SHANK2: variants seen among roughly 807,000 people sequenced by gnomAD.
SHANK2 encodes SH3 and multiple ankyrin repeat domains 2.
In SHANK2, 43 loss-of-function variants were observed where a neutral mutation model predicts 133.7. That is an observed-to-expected ratio of 0.32 (90% confidence interval 0.25 to 0.41). The LOEUF (loss-of-function observed/expected upper bound fraction) is 0.41, where lower values mean the gene tolerates loss of function less well. Among genes scored for constraint, SHANK2 ranks in the 10% least tolerant of loss-of-function variants. The pLI, the probability that SHANK2 is intolerant of heterozygous loss-of-function variation, is 1.00. For missense variants in SHANK2, 1,994 were observed against 2,235.8 expected (o/e 0.89, Z 2.18); for synonymous variants, 1,017 against 952.8 (o/e 1.07, Z -1.24).
chr11:70,839,432 C>G (rs1463675588), intron 11 of SHANK2, among the ~76,000 whole-genome samples: 2 of 152,204 alleles, frequency 1.3e-5, no homozygotes, highest in Non-Finnish European at 2.9e-5. Flanking sequence ...CACACACCCC[C>G]CTGGTAGAGA....
intron 17 of SHANK2, among the ~76,000 whole-genome samples, chr11:70,637,611 G>A (rs908395800): frequency 6.6e-6 from 1 of 152,208 alleles, no homozygotes; most frequent in East Asian, 1.9e-4. Context: ...GTGGGAGGCC[G>A]CTGCCCAGCG....
chr11:70,714,600 C>A (rs542997587), intron 14 of SHANK2, among the ~76,000 whole-genome samples: 1 of 152,166 alleles, frequency 6.6e-6, no homozygotes, highest in African/African-American at 2.4e-5. Flanking sequence ...AGAGACTCCA[C>A]GAGAGGACTC....
At chr11:70,867,852 C>T (rs782348028) in intron 11 of SHANK2, among the ~76,000 whole-genome samples, 5 of 152,206 alleles carry the variant, frequency 3.3e-5, no homozygotes, top group Non-Finnish European at 2.9e-5. Flanking sequence ...GCTCCTGCAC[C>T]GGCCGGCCCC....
rs149545748 is a variant in SHANK2 at position 71,214,618 on chromosome 11, C to T, written c.-13+10079G>A. On this transcript the variant is annotated intron_variant, in intron 2 of 25. Transcript: ENST00000601538. Reference sequence around the variant, plus strand: ...GTCTGGCTCAGGGTCCCACTGCTGTCTCAGCAAGTCTGGCCAGAAGCTAAC... The same window carrying T: ...GTCTGGCTCAGGGTCCCACTGCTGTTTCAGCAAGTCTGGCCAGAAGCTAAC... Among the ~76,000 whole-genome samples the T allele has an allele frequency of 7.7e-3, 1,169 of 152,354 alleles. 6 individuals are homozygous for T. The highest frequency in any genetic ancestry group is 0.011 in the Admixed American group (176 of 15,308).
At chr11:71,133,237 A>AATGGATGGATGGATGGATGGATGG (rs533210236) in intron 3 of SHANK2, among the ~76,000 whole-genome samples, 1 of 109,062 alleles carries the variant, frequency 9.2e-6, no homozygotes, top group African/African-American at 3.7e-5. Context: ...TGCACAGATG[A>AATGGATGGATGGATGGATGGATGG]ATGGATGGAT....
At chr11:71,240,271 C>T (rs1305127591) in intron 1 of SHANK2, among the ~76,000 whole-genome samples, 6 of 152,146 alleles carry the variant, frequency 3.9e-5, no homozygotes, top group Non-Finnish European at 7.4e-5. Context: ...CCTGGACTTT[C>T]CAGAGCCAGC....
At chr11:70,891,396 G>A (rs556859526) in intron 11 of SHANK2, among the ~76,000 whole-genome samples, 9 of 152,192 alleles carry the variant, frequency 5.9e-5, no homozygotes, top group African/African-American at 9.6e-5. Context: ...CAGCTACTCC[G>A]GAGGCTGAGG....
chr11:70,641,493 G>A (rs1370220735), intron 17 of SHANK2, among the ~76,000 whole-genome samples: 2 of 152,212 alleles, frequency 1.3e-5, no homozygotes, highest in Non-Finnish European at 2.9e-5. Flanking sequence ...CCTTCCAGAG[G>A]CACAGCAAGA....
intron 2 of SHANK2, among the ~76,000 whole-genome samples, chr11:71,158,915 A>T (rs1184233014): frequency 6.6e-6 from 1 of 152,242 alleles, no homozygotes; most frequent in African/African-American, 2.4e-5. Context: ...ATGCCACTCC[A>T]GACACACAAA....
chr11:71,228,227 T>C (rs1954675856), intron 1 of SHANK2, among the ~76,000 whole-genome samples: 1 of 152,224 alleles, frequency 6.6e-6, no homozygotes, highest in South Asian at 2.1e-4. Context: ...ATTTGAATCA[T>C]TTCCTACAAC....
intron 17 of SHANK2, among the ~76,000 whole-genome samples, chr11:70,623,509 C>A (rs2060861589): frequency 6.6e-6 from 1 of 152,196 alleles, no homozygotes; most frequent in Admixed American, 6.5e-5. Flanking sequence ...GAGGACACGG[C>A]CCATGGCAGG....
intron 17 of SHANK2, among the ~76,000 whole-genome samples, chr11:70,530,407 G>A (rs781793387): frequency 6.6e-6 from 1 of 152,176 alleles, no homozygotes; most frequent in African/African-American, 2.4e-5. Context: ...GTGGTGACAC[G>A]TGCCTGTAAT....
At chr11:70,719,452 C>G (rs953778385) in intron 14 of SHANK2, among the ~76,000 whole-genome samples, 4 of 152,168 alleles carry the variant, frequency 2.6e-5, no homozygotes, top group African/African-American at 9.6e-5. Context: ...GAGGATGGAG[C>G]TGGGCTTCAC....
chr11:71,210,252 A>ATATATATATATATATATATT (rs1954242919), intron 2 of SHANK2, among the ~76,000 whole-genome samples: 1 of 99,126 alleles, frequency 1.0e-5, no homozygotes, highest in African/African-American at 5.1e-5. Flanking sequence ...ATATATATAT[A>ATATATATATATATATATATT]TTTATTTATT....
At chr11:70,727,115 T>C (rs1396069922) in intron 14 of SHANK2, among the ~76,000 whole-genome samples, 1 of 152,270 alleles carries the variant, frequency 6.6e-6, no homozygotes, top group Non-Finnish European at 1.5e-5. Context: ...AGCTGACTAA[T>C]ACATTATGAC....
intron 2 of SHANK2, among the ~76,000 whole-genome samples, chr11:71,209,815 T>G (rs1287652137): frequency 1.3e-5 from 2 of 152,030 alleles, no homozygotes; most frequent in Non-Finnish European, 2.9e-5. Flanking sequence ...AGAGATATAC[T>G]GGGGGGTCTC....
chr11:71,140,697 A>C (rs1952538635), intron 3 of SHANK2, among the ~76,000 whole-genome samples: 1 of 152,196 alleles, frequency 6.6e-6, no homozygotes, highest in South Asian at 2.1e-4. Context: ...GCAATGGCTC[A>C]CTTCACAAGT....
intron 10 of SHANK2, among the ~76,000 whole-genome samples, chr11:70,940,416 A>T (rs1170282524): frequency 6.6e-6 from 1 of 151,440 alleles, no homozygotes; most frequent in African/African-American, 2.4e-5. Flanking sequence ...CCAGCTAATT[A>T]GCTAATTTTT....
rs570445610 is a variant in SHANK2 at position 70,568,645 on chromosome 11, T to TGCC, written c.2062-65717_2062-65715dup. On this transcript the variant is annotated intron_variant, in intron 17 of 25. Coordinates refer to ENST00000601538, the MANE Select transcript of SHANK2 (RefSeq NM_012309.5). ...CTCTCCCATGTGGGCAGCGGATTCC[T>TGCC]GCCCCCCCCGCCCACTTCCTCCCGG... 9.4e-3 allele frequency among the ~76,000 whole-genome samples: 454 copies of TGCC among 48,426 alleles called. 40 individuals are homozygous for TGCC. The highest frequency in any genetic ancestry group is 0.025 in the African/African-American group (432 of 17,340). The allele number at this position is 48,426 out of a possible 152,430, so 31.8% of individuals were successfully genotyped here.
Sources: gnomAD v4.1 joint callset for allele counts (sites outside exome capture counted in the v4.1 genomes callset) on GRCh38, gnomAD v4.1.1 for gene constraint, MANE v1.5 for transcripts, NCBI Gene and HGNC (gene_info 2026-07-23, HGNC 2026-07-21) for gene names.